Variants in NOL8 observed in about 807,000 individuals in gnomAD.
The protein encoded by NOL8 is nucleolar protein Nop132.
Under a neutral mutation model 116.1 loss-of-function variants are expected in NOL8, and 93 were observed. The ratio of observed to expected loss-of-function variants is 0.80; its 90% CI spans 0.68 to 0.95. NOL8 has a LOEUF of 0.95. Ranked by LOEUF, NOL8 falls within the 40% of genes least tolerant of loss-of-function variation. The probability of loss-of-function intolerance (pLI) is 0.00; values close to 1 mark genes in which losing one functional copy is unlikely to be tolerated. For missense variants in NOL8, 1,291 were observed against 1,382.8 expected (o/e 0.93, Z 1.05); for synonymous variants, 419 against 469.0 (o/e 0.89, Z 1.38).
intron 12 of NOL8, among the ~76,000 whole-genome samples, chr9:92,303,754 A>G (rs1224843982): frequency 6.6e-6 from 1 of 152,174 alleles, no homozygotes; most frequent in Non-Finnish European, 1.5e-5. Flanking sequence ...ACAGTGAGCT[A>G]TGATTGTGCC....
chr9:92,298,346 GA>G lies in NOL8; in HGVS notation c.3374-11del. 1.3e-6 allele frequency: 2 copies of G among 1,567,866 alleles called. No homozygotes were observed. The highest frequency in any genetic ancestry group is 1.7e-6 in the Non-Finnish European group (2 of 1,152,414). The stretch of plus-strand genomic sequence containing the variant: ...CAGAATAAGTCAGAACCTATTAGGG[GA>G]AAAAGAAGAAAGATGAGGCAGCAAA... On this transcript the variant is annotated splice_polypyrimidine_tract_variant and intron_variant, in intron 15 of 16. Coordinates refer to ENST00000442668, the MANE Select transcript of NOL8 (RefSeq NM_017948.6).
chr9:92,323,643 AT>A (rs1480611897), intron 2 of NOL8, 140 bp from the exon 3 acceptor site: 5 of 682,236 alleles, frequency 7.3e-6, no homozygotes, highest in African/African-American at 7.3e-5. Flanking sequence ...CTTGTTTTTT[AT>A]TGGCTATAAA....
chr9:92,307,390 A>C (rs1838370943), intron 10 of NOL8, among the ~76,000 whole-genome samples: 1 of 152,194 alleles, frequency 6.6e-6, no homozygotes, highest in Non-Finnish European at 1.5e-5. Context: ...ACATAATCTA[A>C]ATTACGTAAA....
chr9:92,310,325 A>C, intron 9 of NOL8, 64 bp from the exon 10 acceptor site: 1 of 1,410,782 alleles, frequency 7.1e-7, no homozygotes, highest in Non-Finnish European at 9.9e-7. Context: ...TCTGACGAAG[A>C]CTGTCAATGT....
At position 92,316,016 on chromosome 9, in the gene NOL8, A is replaced by T; in HGVS notation, c.609T>A (p.Ser203Arg). Residue 203 changes from serine to arginine, a missense_variant, in exon 7 of 17, where the codon AGT becomes AGA. By Grantham distance (110) the Ser-to-Arg change is moderately radical (BLOSUM62 -1). Transcript: ENST00000442668. The stretch of plus-strand genomic sequence containing the variant: ...CAGAGAACTCTCCTCGCCGTTTCTT[A>T]CTCATAGGGTCATTCCCTCCTTCTA... ...WELEGGNDPM[S>R]KKRRGEFSDF... 6.2e-7 allele frequency: 1 copy of T among 1,613,872 alleles called. No individual in the cohort carries two copies.
At position 92,297,622 on chromosome 9, in the gene NOL8, T is replaced by A. The variant is rs1025826207; in HGVS notation, c.*214A>T. On this transcript the variant is annotated 3_prime_UTR_variant, in exon 17 of 17. Transcript: ENST00000442668. ...CAAGGACTATCTTGTTCTTCCTTTA[T>A]AAGAAGTTGAATTTAATTTTTGAAG... 2.0e-5 allele frequency: 11 copies of A among 537,350 alleles called. No homozygotes were observed. Among genetic ancestry groups the A allele is most frequent in the Non-Finnish European group, 3.3e-5 (10 of 304,004 alleles). The allele number at this position is 537,350 out of a possible 1,614,324, so 33.3% of individuals were successfully genotyped here. A position where few individuals can be genotyped will look rare whatever the true frequency, so the allele number is the denominator to read the frequency against.
chr9:92,320,298 C>A (rs1413120665), intron 4 of NOL8: 2 of 415,764 alleles, frequency 4.8e-6, no homozygotes, highest in Non-Finnish European at 9.7e-6. Flanking sequence ...CATATCCACG[C>A]AGATACTCCA....
rs746246843 is a variant in NOL8, at chr9:92,299,878, C to G, written c.3302+12G>C. The G allele has an allele frequency of 9.3e-6, 15 of 1,610,810 alleles. No homozygotes were observed. The South Asian group carries it at 1.7e-4, about 18-fold the overall frequency. On this transcript the variant is annotated intron_variant, in intron 14 of 16. Coordinates refer to ENST00000442668, the MANE Select transcript of NOL8 (RefSeq NM_017948.6). ...ATTATGAACTATGCCTGCAAAGAAA[C>G]AAATTGTTTACCCAGGACTGGAGTT...
intron 15 of NOL8, 69 bp from the exon 16 acceptor site, chr9:92,298,405 G>T: frequency 1.0e-6 from 1 of 970,850 alleles, no homozygotes. Context: ...TCTAAGTGTT[G>T]GCATTATCAA....
At chr9:92,304,658 T>A (rs1838072956) in intron 12 of NOL8, among the ~76,000 whole-genome samples, 1 of 152,234 alleles carries the variant, frequency 6.6e-6, no homozygotes, top group Non-Finnish European at 1.5e-5. Flanking sequence ...TTTAAAAGAA[T>A]AATTTTGGAA....
intron 10 of NOL8, among the ~76,000 whole-genome samples, chr9:92,307,268 T>C (rs1838354825): frequency 6.6e-6 from 1 of 152,250 alleles, no homozygotes; most frequent in Non-Finnish European, 1.5e-5. Flanking sequence ...CTGAATTTAA[T>C]GGCTTTCAGT....
chr9:92,298,417 G>T (rs1837434062), intron 15 of NOL8, 81 bp from the exon 16 acceptor site: 8 of 797,376 alleles, frequency 1.0e-5, no homozygotes, highest in East Asian at 2.8e-5. Context: ...CATTATCAAG[G>T]TCTCGAATAC....
rs372982099 is a variant in NOL8 at position 92,315,018 on chromosome 9, C to T, written c.1607G>A (p.Arg536Gln). 16 of 1,613,884 alleles carry T rather than the reference C, an allele frequency of 9.9e-6. No individual in the cohort carries two copies. Among genetic ancestry groups the T allele is most frequent in the East Asian group, 2.2e-5 (1 of 44,892 alleles). ...AATCTCCGCAGGACGAATACACTGT[C>T]GGCCTCTGCGGAGGCCAGTGGGAGT... ...PKTPTGLRRG[R>Q]QCIRPAEIVA... The change falls in exon 7 of 17, where the codon CGA becomes CAA. Residue 536 changes from arginine to glutamine, a missense_variant. Physicochemically the swap from Arg to Gln is conservative, Grantham distance 43. Transcript: ENST00000442668.
intron 4 of NOL8, among the ~76,000 whole-genome samples, 161 bp from the exon 5 acceptor site, chr9:92,319,517 T>C (rs1411350966): frequency 6.6e-6 from 1 of 152,250 alleles, no homozygotes; most frequent in Admixed American, 6.5e-5. Flanking sequence ...ATAGCTTACC[T>C]ACTTATCTGA....
intron 11 of NOL8, among the ~76,000 whole-genome samples, chr9:92,306,459 G>C (rs1404877764): frequency 2.0e-5 from 3 of 152,128 alleles, no homozygotes; most frequent in Non-Finnish European, 4.4e-5. Flanking sequence ...GTATAGAAGA[G>C]AACACTGGTC....
At chr9:92,298,804 C>G (rs1837467404) in intron 15 of NOL8, 80 bp downstream of exon 15, 1 of 812,502 alleles carries the variant, frequency 1.2e-6, no homozygotes, top group Admixed American at 3.2e-5. Context: ...TACCAACGGT[C>G]AAAATTCCTG....
intron 13 of NOL8, 30 bp from the exon 14 acceptor site, chr9:92,300,046 G>A (rs760308711): frequency 1.2e-6 from 2 of 1,602,928 alleles, no homozygotes; most frequent in Non-Finnish European, 8.5e-7. Flanking sequence ...AAAGATGATG[G>A]GATTGTAACT....
intron 12 of NOL8, among the ~76,000 whole-genome samples, chr9:92,304,482 T>G (rs1838047134): frequency 6.6e-6 from 1 of 152,232 alleles, no homozygotes; most frequent in African/African-American, 2.4e-5. Context: ...ATCTGAATGA[T>G]GACATCCTGG....
Position 92,324,012 on chromosome 9 carries a change from C to A in NOL8, c.139+11G>T. On this transcript the variant is annotated intron_variant, in intron 2 of 16. Coordinates refer to ENST00000442668, the MANE Select transcript of NOL8 (RefSeq NM_017948.6). ...CTGCCTATAACTGCCCAGTGAAGGA[C>A]CATAAATTACCTTGGTCATCTTTCC... 6.2e-7 allele frequency: 1 copy of A among 1,613,554 alleles called. No homozygotes were observed. The highest frequency in any genetic ancestry group is 8.5e-7 in the Non-Finnish European group (1 of 1,179,632).
Sources: allele counts gnomAD v4.1 joint callset (sites outside exome capture counted in the v4.1 genomes callset), GRCh38; gene constraint gnomAD v4.1.1; transcripts MANE v1.5; gene names NCBI Gene and HGNC (gene_info 2026-07-23, HGNC 2026-07-21).